The following GPR18 variants were observed in gnomAD, a reference collection of about 807,000 sequenced individuals.
GPR18 encodes G protein-coupled receptor 18.
In GPR18, 20 loss-of-function variants were observed where a neutral mutation model predicts 22.8. The observed-to-expected ratio is 0.88, with a 90% CI of 0.62 to 1.28. The LOEUF (loss-of-function observed/expected upper bound fraction) is 1.28. Among genes scored for constraint, GPR18 ranks in the 50% most tolerant of loss-of-function variants. The probability of loss-of-function intolerance (pLI) is 0.00; values close to 1 mark genes in which losing one functional copy is unlikely to be tolerated. For synonymous variants in GPR18, 160 were observed against 155.3 expected, an observed-to-expected ratio of 1.03 and a Z score of -0.22; for missense variants, 379 against 412.0, an observed-to-expected ratio of 0.92 and a Z score of 0.69.
Position 99,255,800 on chromosome 13 carries a change from C to G in GPR18, c.73G>C (p.Ala25Pro). 6.2e-7 allele frequency: 1 copy of G among 1,611,492 alleles called. No homozygotes were observed. The highest frequency in any genetic ancestry group is 8.5e-7 in the Non-Finnish European group (1 of 1,178,730). Reference sequence around the variant, plus strand: ...AAGATACAGCTATAGAAGACAAGGGCTGCAATTTTGTATTCATCTGGATGT... The same window carrying G: ...AAGATACAGCTATAGAAGACAAGGGGTGCAATTTTGTATTCATCTGGATGT... ...SSHPDEYKIA[A>P]LVFYSCIFII... Residue 25 changes from alanine to proline, a missense_variant, in exon 2 of 2, where the codon GCC becomes CCC. Coordinates refer to ENST00000397470, the MANE Select transcript of GPR18 (RefSeq NM_001098200.2).
rs2043518600 is a variant in GPR18, at chr13:99,255,005, A to C, written c.868T>G (p.Ser290Ala). The C allele has an allele frequency of 6.2e-7, 1 of 1,614,050 alleles. No individual in the cohort carries two copies. Among genetic ancestry groups the C allele is most frequent in the Non-Finnish European group, 8.5e-7 (1 of 1,180,034 alleles). Residue 290 changes from serine (S) to alanine (A), a missense_variant, in exon 2 of 2, where the codon TCA becomes GCA. Transcript: ENST00000397470. ...CLDVILYYIVSKQFQARVISV... is the reference protein window; with the variant it reads ...CLDVILYYIVAKQFQARVISV... ...ATGACTCGAGCCTGAAATTGTTTTG[A>C]AACGATGTAGTAGAGAATCACATCC...
Position 99,255,738 on chromosome 13 carries a change from C to T in GPR18, c.135G>A (p.Trp45Ter). The change falls in exon 2 of 2, where the codon TGG becomes TGA. Residue 45 changes from tryptophan (W) to a stop codon, truncating the protein, a stop_gained. Transcript: ENST00000397470. LOFTEE classifies it high-confidence loss of function. Reference protein sequence around the residue: ...IGLFVNITALWVFSCTTKKRT... With the variant: ...IGLFVNITAL ...TCTTCTTGGTGGTACAACTGAAAAC[C>T]CATAATGCAGTGATGTTAACAAATA... 8.1e-6 allele frequency: 13 copies of T among 1,613,734 alleles called. No homozygotes were observed. The highest frequency in any genetic ancestry group is 1.3e-5 in the African/African-American group (1 of 74,896).
In GPR18 at chr13:99,255,876, A is replaced by T. The variant is rs2043545598; in HGVS notation, c.-4T>A. 6.5e-7 allele frequency: 1 copy of T among 1,543,172 alleles called. No individual in the cohort carries two copies. The highest frequency in any genetic ancestry group is 1.4e-5 in the African/African-American group (1 of 72,082). ...CTTGATTGTTCAGGGTGATCATTTTACAGCTTGTTGGTAGGCATGATACTT... is the reference window on the plus strand; with the variant it reads ...CTTGATTGTTCAGGGTGATCATTTTTCAGCTTGTTGGTAGGCATGATACTT... On this transcript the variant is annotated 5_prime_UTR_variant, in exon 2 of 2. An upstream open reading frame in the 5' UTR loses its in-frame stop. Transcript: ENST00000397470.
rs571335689 is a variant in GPR18, at chr13:99,258,162, C to T, written c.-43G>A. 1.3e-5 allele frequency: 2 copies of T among 152,224 alleles called. No homozygotes were observed. The highest frequency in any genetic ancestry group is 2.4e-5 in the African/African-American group (1 of 41,454). 9.4% of individuals were successfully genotyped at this position (152,224 alleles called of 1,614,324 possible). On this transcript the variant is annotated 5_prime_UTR_variant, in exon 1 of 2. It removes an upstream start codon present in the reference 5' UTR. Transcript: ENST00000397470. The stretch of plus-strand genomic sequence containing the variant: ...AATTAAATGCTGCTTACCTCCTGTC[C>T]ATCAAAAGTCTGTGTGAGAGATGAG...
In GPR18 at chr13:99,255,786, A is replaced by G. The variant is rs371441036; in HGVS notation, c.87T>C (p.Tyr29=). ...DEYKIAALVF[Y]SCIFIIGLFV... ...ATAATCCAATTATGAAGATACAGCT[A>G]TAGAAGACAAGGGCTGCAATTTTGT... Residue 29 remains tyrosine (Y), a synonymous_variant, in exon 2 of 2, where the codon TAT becomes TAC. Transcript: ENST00000397470. The G allele has an allele frequency of 2.4e-3, 3,854 of 1,613,166 alleles. 99 individuals are homozygous for G. The South Asian group carries it at 0.04, about 17-fold the overall frequency.
Position 99,254,962 on chromosome 13 carries a change from C to T in GPR18, c.911G>A (p.Arg304His), listed in dbSNP as rs755286750. 6.8e-6 allele frequency: 11 copies of T among 1,613,824 alleles called. No individual in the cohort carries two copies. In the East Asian group the frequency reaches 1.8e-4, roughly 26 times the overall value. The change falls in exon 2 of 2, where the codon CGT becomes CAT. Residue 304 changes from arginine to histidine, a missense_variant. Coordinates refer to ENST00000397470, the MANE Select transcript of GPR18 (RefSeq NM_001098200.2). Reference sequence around the variant, plus strand: ...TCTGCGCATGCTTCGAAGGTAATTACGGTATAGCATGACACTAATGACTCG... The same window carrying T: ...TCTGCGCATGCTTCGAAGGTAATTATGGTATAGCATGACACTAATGACTCG... ...QARVISVMLY[R>H]NYLRSMRRKS... is the part of the protein sequence containing the mutation.
At chr13:99,256,007 G>C in intron 1 of GPR18, 101 bp from the exon 2 acceptor site, 1 of 765,606 alleles carries the variant, frequency 1.3e-6, no homozygotes, top group Non-Finnish European at 2.1e-6. Context: ...TTTTAAGTTC[G>C]AGAGCATTTA....
In GPR18 at chr13:99,254,830, T is replaced by TTA; in HGVS notation, c.*45_*46dup. 1 of 1,443,542 alleles carries TTA rather than the reference T, an allele frequency of 6.9e-7. No individual in the cohort carries two copies. The highest frequency in any genetic ancestry group is 9.6e-7 in the Non-Finnish European group (1 of 1,045,638). The allele number at this position is 1,443,542 out of a possible 1,614,324, so 89.4% of individuals were successfully genotyped here. Reference sequence around the variant, plus strand: ...AGAATATCCATTGACGCCAGAGTAGTTAGTGAAGTGAATTTTGATGGGATT... The same window carrying TTA: ...AGAATATCCATTGACGCCAGAGTAGTTATAGTGAAGTGAATTTTGATGGGATT... On this transcript the variant is annotated 3_prime_UTR_variant, in exon 2 of 2. Transcript: ENST00000397470.
intron 1 of GPR18, 128 bp downstream of exon 1, chr13:99,258,026 A>C (rs1409771017): frequency 6.6e-6 from 1 of 152,200 alleles, no homozygotes; most frequent in East Asian, 1.9e-4. Context: ...TGGCCTCCCA[A>C]AGTGTTGGAG....
At chr13:99,257,372 T>C (rs1207822084) in intron 1 of GPR18, among the ~76,000 whole-genome samples, 1 of 152,202 alleles carries the variant, frequency 6.6e-6, no homozygotes, top group Non-Finnish European at 1.5e-5. Flanking sequence ...AAATGAAATT[T>C]TGTATTTGTT....
chr13:99,255,082 T>C lies in GPR18; in HGVS notation c.791A>G (p.Tyr264Cys), dbSNP rs201584591. Reference sequence around the variant, plus strand: ...GGTGGTAAAGGCTCCCCAGGGATTGTAACTGTTCTCCCCCGTTCCCAGCAT... The same window carrying C: ...GGTGGTAAAGGCTCCCCAGGGATTGCAACTGTTCTCCCCCGTTCCCAGCAT... ...FLMLGTGENS[Y>C]NPWGAFTTFL... Residue 264 changes from tyrosine to cysteine, a missense_variant, in exon 2 of 2, where the codon TAC (tyrosine) becomes TGC (cysteine). Coordinates refer to ENST00000397470, the MANE Select transcript of GPR18 (RefSeq NM_001098200.2). The C allele has an allele frequency of 1.9e-6, 3 of 1,614,106 alleles. No individual in the cohort carries two copies. Among genetic ancestry groups the C allele is most frequent in the African/African-American group, 2.7e-5 (2 of 75,024 alleles).
At position 99,255,261 on chromosome 13, in the gene GPR18, A is replaced by G; in HGVS notation, c.612T>C (p.Ile204=). Residue 204 remains isoleucine, a synonymous_variant, in exon 2 of 2, where the codon ATT becomes ATC. Transcript: ENST00000397470. ...TATGAATAATGACCAAGTAGCACCCAATCATGATGAACAAAGGAATCAAGA... is the reference window on the plus strand; with the variant it reads ...TATGAATAATGACCAAGTAGCACCCGATCATGATGAACAAAGGAATCAAGA... ...FFFLIPLFIM[I]GCYLVIIHNL... 3.1e-6 allele frequency: 5 copies of G among 1,614,148 alleles called. No individual in the cohort carries two copies. The highest frequency in any genetic ancestry group is 4.2e-6 in the Non-Finnish European group (5 of 1,180,028).
At position 99,255,865 on chromosome 13, in the gene GPR18, G is replaced by A. The variant is rs755112652; in HGVS notation, c.8C>T (p.Thr3Ile). The A allele has an allele frequency of 5.1e-6, 8 of 1,558,126 alleles. No individual in the cohort carries two copies. The highest frequency in any genetic ancestry group is 6.9e-6 in the Non-Finnish European group (8 of 1,155,178). The change falls in exon 2 of 2, where the codon ACC becomes ATC. Residue 3 changes from threonine to isoleucine, a missense_variant. Thr to Ile is a moderately conservative substitution (Grantham distance 89). Coordinates refer to ENST00000397470, the MANE Select transcript of GPR18 (RefSeq NM_001098200.2). MITLNNQDQPVPF... is the reference protein window; with the variant it reads MIILNNQDQPVPF... ...GACAGGTTGATCTTGATTGTTCAGGGTGATCATTTTACAGCTTGTTGGTAG... is the reference window on the plus strand; with the variant it reads ...GACAGGTTGATCTTGATTGTTCAGGATGATCATTTTACAGCTTGTTGGTAG...
Position 99,254,892 on chromosome 13 carries a change from G to C in GPR18, c.981C>G (p.Asn327Lys), listed in dbSNP as rs768620730. 1.9e-6 allele frequency: 3 copies of C among 1,612,556 alleles called. No individual in the cohort carries two copies. The African/African-American group carries it at 4.0e-5, about 22-fold the overall frequency. ...SGSLRSLSNI[N>K]SEML ...ACCTTATTATTCATAACATTTCACT[G>C]TTTATATTGCTTAGTGACCGTAGAC... Residue 327 changes from asparagine to lysine, a missense_variant, in exon 2 of 2, where the codon AAC (asparagine) becomes AAG (lysine). Asn to Lys is a moderately conservative substitution (Grantham distance 94). Transcript: ENST00000397470.
chr13:99,256,771 T>C (rs2043568746), intron 1 of GPR18, among the ~76,000 whole-genome samples: 1 of 151,018 alleles, frequency 6.6e-6, no homozygotes, highest in African/African-American at 2.4e-5. Flanking sequence ...GCAAATATCA[T>C]TGACTCCTCA....
rs2043601271 is a variant in GPR18, at chr13:99,258,206, C to G, written c.-87G>C. 1 of 152,266 alleles carries G rather than the reference C, an allele frequency of 6.6e-6. No homozygotes were observed. The highest frequency in any genetic ancestry group is 2.4e-5 in the African/African-American group (1 of 41,480). The allele number at this position is 152,266 out of a possible 1,614,324, so 9.4% of individuals were successfully genotyped here. A position where few individuals can be genotyped will look rare whatever the true frequency, so the allele number is the denominator to read the frequency against. On this transcript the variant is annotated 5_prime_UTR_variant, in exon 1 of 2. Transcript: ENST00000397470. ...AGATGAGCATTTTTCAGCACTTCCA[C>G]TTCTGTCGAAGGGATATCTTTGAGT...
chr13:99,257,006 C>T (rs998030581), intron 1 of GPR18, among the ~76,000 whole-genome samples: 7 of 152,132 alleles, frequency 4.6e-5, no homozygotes, highest in African/African-American at 7.2e-5. Flanking sequence ...AGTGGCATCA[C>T]GGGCTATTGA....
Position 99,255,696 on chromosome 13 carries a change from G to A in GPR18, c.177C>T (p.Ile59=), listed in dbSNP as rs1380407427. The A allele has an allele frequency of 6.2e-7, 1 of 1,613,914 alleles. No individual in the cohort carries two copies. The highest frequency in any genetic ancestry group is 2.2e-5 in the East Asian group (1 of 44,876). Reference sequence around the variant, plus strand: ...CCACTAATGCCACATTCATCATATAGATGGTTACCGTGGTTCTCTTCTTGG... The same window carrying A: ...CCACTAATGCCACATTCATCATATAAATGGTTACCGTGGTTCTCTTCTTGG... ...CTTKKRTTVT[I]YMMNVALVDL... The change falls in exon 2 of 2, where the codon ATC becomes ATT. Residue 59 remains isoleucine (I), a synonymous_variant. Transcript: ENST00000397470.
Position 99,255,746 on chromosome 13 carries a change from C to A in GPR18, c.127G>T (p.Ala43Ser), listed in dbSNP as rs780105154. 1 of 1,613,888 alleles carries A rather than the reference C, an allele frequency of 6.2e-7. No homozygotes were observed. The highest frequency in any genetic ancestry group is 1.7e-5 in the Admixed American group (1 of 59,982). ...FIIGLFVNIT[A>S]LWVFSCTTKK... Reference sequence around the variant, plus strand: ...GTGGTACAACTGAAAACCCATAATGCAGTGATGTTAACAAATAATCCAATT... The same window carrying A: ...GTGGTACAACTGAAAACCCATAATGAAGTGATGTTAACAAATAATCCAATT... The change falls in exon 2 of 2, where the codon GCA (alanine) becomes TCA (serine). Residue 43 changes from alanine to serine, a missense_variant. Coordinates refer to ENST00000397470, the MANE Select transcript of GPR18 (RefSeq NM_001098200.2).
Sources: gnomAD v4.1 joint callset for allele counts (sites outside exome capture counted in the v4.1 genomes callset) on GRCh38, gnomAD v4.1.1 for gene constraint, MANE v1.5 for transcripts, NCBI Gene and HGNC (gene_info 2026-07-23, HGNC 2026-07-21) for gene names.